TICRR: variants seen among roughly 807,000 people sequenced by gnomAD.
TICRR encodes the protein TOPBP1 interacting checkpoint and replication regulator, also known as treslin.
In TICRR, 132 loss-of-function variants were observed where a neutral mutation model predicts 178.1. The observed-to-expected ratio is 0.74, with a 90% CI of 0.64 to 0.86. The LOEUF is 0.86. Among genes scored for constraint, TICRR ranks in the 40% least tolerant of loss-of-function variants. The pLI, the probability that TICRR is intolerant of heterozygous loss-of-function variation, is 0.00. For synonymous variants in TICRR, 991 were observed against 900.7 expected (o/e 1.10, Z -1.79); for missense variants, 2,587 against 2,334.3 (o/e 1.11, Z -2.23).
chr15:89,591,600 G>T (rs1417448368), intron 4 of TICRR: 2 of 152,208 alleles, frequency 1.3e-5, no homozygotes, highest in African/African-American at 2.4e-5. Flanking sequence ...GTGGTGGCAC[G>T]TGTCTGTAAT....
At chr15:89,613,991 A>G (rs147714735) in intron 15 of TICRR, among the ~76,000 whole-genome samples, 1,940 of 151,926 alleles carry the variant, frequency 0.013, 23 homozygotes, top group Non-Finnish European at 0.022. Flanking sequence ...CGTCTGTACT[A>G]AAAATACAAA....
Position 89,627,024 on chromosome 15 carries a change from C to T in TICRR, c.5671C>T (p.Arg1891Cys), listed in dbSNP as rs151193931. Residue 1891 changes from arginine (R) to cysteine (C), a missense_variant, in exon 22 of 22, where the codon CGC (arginine) becomes TGC (cysteine). By Grantham distance (180) the Arg-to-Cys change is radical. Coordinates refer to ENST00000268138, the MANE Select transcript of TICRR (RefSeq NM_152259.4). Reference sequence around the variant, plus strand: ...TTTCAGTCGCGCTTTCTCCAGGAGGCGCCCCATCAGCAGAACTTATACACG... The same window carrying T: ...TTTCAGTCGCGCTTTCTCCAGGAGGTGCCCCATCAGCAGAACTTATACACG... ...SPFSRAFSRR[R>C]PISRTYTRKK... 182 of 1,613,958 alleles carry T rather than the reference C, an allele frequency of 1.1e-4. No homozygotes were observed. The highest frequency in any genetic ancestry group is 1.5e-4 in the Non-Finnish European group (176 of 1,180,038).
chr15:89,625,745 G>C lies in TICRR; in HGVS notation c.5435G>C (p.Trp1812Ser). The change falls in exon 20 of 22, where the codon TGG becomes TCG. Residue 1812 changes from tryptophan (W) to serine (S), a missense_variant. Coordinates refer to ENST00000268138, the MANE Select transcript of TICRR (RefSeq NM_152259.4). ...GAGGGGTCTCCAAGTTGGAGTGCAT[G>C]GCAGCTACCCTCCACGGGAGACGAA... ...SKEGSPSWSAWQLPSTGDEEV... is the reference protein window; with the variant it reads ...SKEGSPSWSASQLPSTGDEEV... 1 of 1,612,772 alleles carries C rather than the reference G, an allele frequency of 6.2e-7. No homozygotes were observed. The highest frequency in any genetic ancestry group is 8.5e-7 in the Non-Finnish European group (1 of 1,179,662).
At chr15:89,579,964 A>T (rs1401461336) in intron 1 of TICRR, 1 of 152,212 alleles carries the variant, frequency 6.6e-6, no homozygotes, top group Non-Finnish European at 1.5e-5. Context: ...CGCCATGCAC[A>T]CATTACCTTT....
chr15:89,583,485 TTATA>T (rs909950866), intron 2 of TICRR, among the ~76,000 whole-genome samples: 1 of 152,266 alleles, frequency 6.6e-6, no homozygotes, highest in African/African-American at 2.4e-5. Flanking sequence ...AAATAATACT[TTATA>T]GAGATATGTA....
In TICRR at chr15:89,600,645, A is replaced by G. The variant is rs1248576060; in HGVS notation, c.2113A>G (p.Asn705Asp). 1 of 1,596,814 alleles carries G rather than the reference A, an allele frequency of 6.3e-7. No homozygotes were observed. The highest frequency in any genetic ancestry group is 2.2e-5 in the East Asian group (1 of 44,636). The change falls in exon 9 of 22, where the codon AAT becomes GAT. Residue 705 changes from asparagine to aspartate, a missense_variant. Physicochemically the swap from Asn to Asp is conservative, Grantham distance 23. Transcript: ENST00000268138. ...AAAAACTAGTAAAAGTCTTCGACAG[A>G]ATCTAGGAAAAAAACTGGATAAGGA... ...LLKTSKSLRQ[N>D]LGKKLDKEDK...
chr15:89,624,014 A>G lies in TICRR; in HGVS notation c.3704A>G (p.Gln1235Arg), dbSNP rs1160055366. 2 of 1,613,894 alleles carry G rather than the reference A, an allele frequency of 1.2e-6. No individual in the cohort carries two copies. The highest frequency in any genetic ancestry group is 2.7e-5 in the African/African-American group (2 of 74,890). Residue 1235 changes from glutamine to arginine, a missense_variant, in exon 20 of 22, where the codon CAG becomes CGG. Physicochemically the swap from Gln to Arg is conservative, Grantham distance 43. Transcript: ENST00000268138. ...GCCCCTCCAACTTCATCGACTGCCC[A>G]GCCCAGGAGAGAGTGTCTCACTCCC... is the stretch of plus-strand genomic sequence containing the variant. ...CPAPPTSSTA[Q>R]PRRECLTPIR... is the part of the protein sequence containing the mutation.
intron 4 of TICRR, among the ~76,000 whole-genome samples, chr15:89,587,347 G>C (rs1189436334): frequency 1.3e-5 from 2 of 152,112 alleles, no homozygotes; most frequent in Non-Finnish European, 2.9e-5. Flanking sequence ...ATGCATGTTT[G>C]AGTTTGGGAG....
intron 21 of TICRR, among the ~76,000 whole-genome samples, chr15:89,626,647 C>T (rs1019217148): frequency 6.6e-6 from 1 of 152,114 alleles, no homozygotes; most frequent in Admixed American, 6.5e-5. Context: ...TGATATAAAT[C>T]ATGCAAAACA....
chr15:89,605,418 G>A (rs1175463221), intron 13 of TICRR, among the ~76,000 whole-genome samples: 1 of 152,048 alleles, frequency 6.6e-6, no homozygotes, highest in Non-Finnish European at 1.5e-5. Flanking sequence ...GCCCAGGCTG[G>A]AGTGCAGTGG....
At position 89,584,385 on chromosome 15, in the gene TICRR, C is replaced by G; in HGVS notation, c.1034C>G (p.Ser345Ter). 6.2e-7 allele frequency: 1 copy of G among 1,614,160 alleles called. No individual in the cohort carries two copies. The highest frequency in any genetic ancestry group is 2.2e-5 in the East Asian group (1 of 44,878). Residue 345 changes from serine (S) to a stop codon, truncating the protein, a stop_gained, in exon 3 of 22, where the codon TCA (serine) becomes TGA (stop). Coordinates refer to ENST00000268138, the MANE Select transcript of TICRR (RefSeq NM_152259.4). LOFTEE classifies it high-confidence loss of function. ...CCAGTCAGAATTTTTCTAAAAGGCTCAGTGGCCCAGTGGTCTCTCCCAACG... is the reference window on the plus strand; with the variant it reads ...CCAGTCAGAATTTTTCTAAAAGGCTGAGTGGCCCAGTGGTCTCTCCCAACG... ...QKPVRIFLKGSVAQWSLPTSS... is the reference protein window; with the variant it reads ...QKPVRIFLKG
At chr15:89,616,277 A>G (rs1963334080) in intron 15 of TICRR, 128 bp from the exon 16 acceptor site, 1 of 699,776 alleles carries the variant, frequency 1.4e-6, no homozygotes, top group Admixed American at 2.3e-5. Context: ...ACTTAGCCCA[A>G]AGACCATTAA....
chr15:89,624,527 CTGGGGT>C lies in TICRR; in HGVS notation c.4221_4226del (p.Val1408_Gly1409del), dbSNP rs1240124535. On this transcript the variant is annotated inframe_deletion, in exon 20 of 22. Coordinates refer to ENST00000268138, the MANE Select transcript of TICRR (RefSeq NM_152259.4). ...TGTCAGCCTGATGCCTCCGCTACTCCTGGGGTTGGCACAGCTGACAGCCCAGCTGCC... is the reference window on the plus strand; with the variant it reads ...TGTCAGCCTGATGCCTCCGCTACTCCTGGCACAGCTGACAGCCCAGCTGCC... 10 of 1,613,920 alleles carry C rather than the reference CTGGGGT, an allele frequency of 6.2e-6. No individual in the cohort carries two copies. Among genetic ancestry groups the C allele is most frequent in the Non-Finnish European group, 8.5e-6 (10 of 1,180,006 alleles).
Position 89,584,504 on chromosome 15 carries a change from C to T in TICRR, c.1153C>T (p.Leu385=), listed in dbSNP as rs1962786645. The T allele has an allele frequency of 6.3e-7, 1 of 1,591,362 alleles. No homozygotes were observed. The highest frequency in any genetic ancestry group is 1.1e-5 in the South Asian group (1 of 88,320). The stretch of plus-strand genomic sequence containing the variant: ...GTTATTTCAGCAGTTGGTAAGCAGG[C>T]TGACTGCTGAAGAGTTACACCTGGT... ...RLLFQQLVSR[L]TAEELHLVAD... is the part of the protein sequence containing the mutation. The change falls in exon 3 of 22, where the codon CTG becomes TTG. Residue 385 remains leucine (L), a synonymous_variant. Transcript: ENST00000268138.
In TICRR at chr15:89,627,308, T is replaced by C. The variant is rs1963550629; in HGVS notation, c.*222T>C. On this transcript the variant is annotated 3_prime_UTR_variant, in exon 22 of 22. Coordinates refer to ENST00000268138, the MANE Select transcript of TICRR (RefSeq NM_152259.4). ...GAGGAGAGGTGGATGGCAATGTGATTGGTGCTATAACTCAGGCAGCCTGGG... is the reference window on the plus strand; with the variant it reads ...GAGGAGAGGTGGATGGCAATGTGATCGGTGCTATAACTCAGGCAGCCTGGG... 1.7e-6 allele frequency: 1 copy of C among 572,276 alleles called. No homozygotes were observed. The allele number at this position is 572,276 out of a possible 1,614,324, so 35.4% of individuals were successfully genotyped here. A position where few individuals can be genotyped will look rare whatever the true frequency, so the allele number is the denominator to read the frequency against.
At chr15:89,598,425 C>A (rs572949658) in intron 7 of TICRR, among the ~76,000 whole-genome samples, 2 of 152,044 alleles carry the variant, frequency 1.3e-5, no homozygotes, top group Non-Finnish European at 2.9e-5. Context: ...TGCAATGGTG[C>A]GGTCTTGGCT....
intron 19 of TICRR, among the ~76,000 whole-genome samples, chr15:89,622,121 G>A (rs1963437004): frequency 6.6e-6 from 1 of 151,332 alleles, no homozygotes; most frequent in African/African-American, 2.4e-5. Flanking sequence ...AAGTAGCTAG[G>A]ATTACAGGCA....
At chr15:89,595,657 T>A (rs1030941187) in intron 7 of TICRR, 46 bp downstream of exon 7, 2 of 1,443,228 alleles carry the variant, frequency 1.4e-6, no homozygotes, top group South Asian at 1.2e-5. Flanking sequence ...CCCGCTTTTT[T>A]AAAAATAAAA....
At position 89,624,356 on chromosome 15, in the gene TICRR, T is replaced by C; in HGVS notation, c.4046T>C (p.Val1349Ala). The part of the protein sequence containing the change: ...DQKEPQMSPS[V>A]AASLSCPVPS... ...AAAGAGCCCCAGATGTCACCCAGCG[T>C]AGCTGCATCTCTCTCCTGCCCTGTT... The change falls in exon 20 of 22, where the codon GTA (valine) becomes GCA (alanine). Residue 1349 changes from valine to alanine, a missense_variant. Val to Ala is a moderately conservative substitution (Grantham distance 64, BLOSUM62 0). Transcript: ENST00000268138. The C allele has an allele frequency of 6.2e-7, 1 of 1,614,146 alleles. No homozygotes were observed. Among genetic ancestry groups the C allele is most frequent in the South Asian group, 1.1e-5 (1 of 91,086 alleles).
Sources: gnomAD v4.1 joint callset for allele counts (sites outside exome capture counted in the v4.1 genomes callset) on GRCh38, gnomAD v4.1.1 for gene constraint, MANE v1.5 for transcripts, NCBI Gene and HGNC (gene_info 2026-07-23, HGNC 2026-07-21) for gene names.